ABLIM3: variants seen among roughly 807,000 people sequenced by gnomAD.
ABLIM3 encodes actin-binding LIM protein 3.
A neutral mutation model predicts 109.5 loss-of-function variants in ABLIM3; 61 were observed. The observed-to-expected ratio is 0.56, with a 90% CI of 0.45 to 0.69. The LOEUF (loss-of-function observed/expected upper bound fraction) is 0.69, where lower values mean the gene tolerates loss of function less well. Among genes scored for constraint, ABLIM3 ranks in the 30% least tolerant of loss-of-function variants. The pLI, the probability that ABLIM3 is intolerant of heterozygous loss-of-function variation, is 0.00. For missense variants in ABLIM3, 796 were observed against 889.5 expected (o/e 0.89, Z 1.34); for synonymous variants, 300 against 324.8 (o/e 0.92, Z 0.82).
chr5:149,204,078 G>A (rs553251705), intron 5 of ABLIM3, among the ~76,000 whole-genome samples: 26 of 152,272 alleles, frequency 1.7e-4, no homozygotes, highest in African/African-American at 6.0e-4. Context: ...CCTAAAACAA[G>A]GTACGGAGCT....
At chr5:149,203,461 G>A (rs889204801) in intron 5 of ABLIM3, among the ~76,000 whole-genome samples, 6 of 150,466 alleles carry the variant, frequency 4.0e-5, no homozygotes, top group Admixed American at 1.3e-4. Context: ...CTCCACCATC[G>A]TCACCATCAT....
chr5:149,163,877 C>T (rs911304956), intron 2 of ABLIM3: 1 of 152,212 alleles, frequency 6.6e-6, no homozygotes, highest in African/African-American at 2.4e-5. Context: ...GGTGTCTCTG[C>T]TTCCTTTGTT....
At chr5:149,242,389 C>T (rs770355563) in intron 14 of ABLIM3, 102 bp from the exon 15 acceptor site, 1 of 1,217,410 alleles carries the variant, frequency 8.2e-7, no homozygotes, top group Non-Finnish European at 1.2e-6. Context: ...TTGCCCATCT[C>T]TCTCTTCTGA....
rs1157285367 is a variant in ABLIM3, at chr5:149,142,058, T to A, written c.-38T>A. On this transcript the variant is annotated 5_prime_UTR_variant, in exon 2 of 24. Coordinates refer to ENST00000309868, the MANE Select transcript of ABLIM3 (RefSeq NM_014945.5). ...GAAGATTTAAAAAGCAGCCGGGGCC[T>A]CCGTATTGAATGAAAGACCCAGTGC... The A allele has an allele frequency of 1.2e-6, 2 of 1,613,376 alleles. No individual in the cohort carries two copies. The highest frequency in any genetic ancestry group is 1.7e-6 in the Non-Finnish European group (2 of 1,179,936).
intron 2 of ABLIM3, among the ~76,000 whole-genome samples, chr5:149,159,077 A>G (rs577419008): frequency 6.6e-6 from 1 of 152,372 alleles, no homozygotes; most frequent in South Asian, 2.1e-4. Flanking sequence ...TTATGCAAGA[A>G]TGTTGCTGTC....
intron 2 of ABLIM3, among the ~76,000 whole-genome samples, chr5:149,179,699 G>T (rs541978321): frequency 6.6e-6 from 1 of 151,546 alleles, no homozygotes; most frequent in Non-Finnish European, 1.5e-5. Context: ...TGTTGTTGTT[G>T]TTGTTGTTTT....
chr5:149,245,424 G>A (rs1232034329), intron 16 of ABLIM3, among the ~76,000 whole-genome samples: 1 of 152,208 alleles, frequency 6.6e-6, no homozygotes, highest in Admixed American at 6.5e-5. Flanking sequence ...CAAAGACCCA[G>A]GATGTGAGAG....
At chr5:149,252,867 T>C (rs1288471249) in intron 23 of ABLIM3, 30 bp downstream of exon 23, 2 of 1,579,136 alleles carry the variant, frequency 1.3e-6, no homozygotes, top group Non-Finnish European at 1.7e-6. Flanking sequence ...CAGGAGCTCT[T>C]GGGTTGGAAG....
At chr5:149,158,459 A>G (rs756028081) in intron 2 of ABLIM3, among the ~76,000 whole-genome samples, 5 of 152,256 alleles carry the variant, frequency 3.3e-5, no homozygotes, top group Non-Finnish European at 7.3e-5. Context: ...GAATCCTCAA[A>G]TGATCTAAAT....
intron 15 of ABLIM3, chr5:149,244,648 T>A: frequency 1.8e-6 from 1 of 551,238 alleles, no homozygotes; most frequent in Non-Finnish European, 3.3e-6. Flanking sequence ...TGCTATGTGG[T>A]CTTAAGCAAG....
At chr5:149,206,399 C>G (rs558803416) in intron 5 of ABLIM3, among the ~76,000 whole-genome samples, 1 of 152,110 alleles carries the variant, frequency 6.6e-6, no homozygotes, top group Non-Finnish European at 1.5e-5. Context: ...ACCATCAGGC[C>G]CATTCATTCA....
chr5:149,207,221 A>G, intron 6 of ABLIM3, 87 bp downstream of exon 6: 2 of 1,518,768 alleles, frequency 1.3e-6, no homozygotes, highest in South Asian at 1.3e-5. Context: ...CATCTCCAGC[A>G]TCATCTCCCT....
chr5:149,179,614 T>G (rs188594716), intron 2 of ABLIM3, among the ~76,000 whole-genome samples: 1 of 152,108 alleles, frequency 6.6e-6, no homozygotes, highest in Admixed American at 6.5e-5. Context: ...GTACATTTTT[T>G]TTTTTATTTC....
At chr5:149,201,028 T>C (rs1022958267) in intron 5 of ABLIM3, among the ~76,000 whole-genome samples, 1 of 152,188 alleles carries the variant, frequency 6.6e-6, no homozygotes, top group Non-Finnish European at 1.5e-5. Flanking sequence ...TCAGAACCAC[T>C]GTCTAGGGAT....
intron 5 of ABLIM3, among the ~76,000 whole-genome samples, chr5:149,204,800 C>T (rs1015689372): frequency 1.3e-5 from 2 of 152,202 alleles, no homozygotes; most frequent in African/African-American, 4.8e-5. Flanking sequence ...CTGGGATTCT[C>T]TCCTGGGCCA....
At chr5:149,174,612 ACCGCAGG>A (rs1755757109) in intron 2 of ABLIM3, 1 of 152,232 alleles carries the variant, frequency 6.6e-6, no homozygotes, top group African/African-American at 2.4e-5. Context: ...TGGAAAGGGC[ACCGCAGG>A]CCTCCAGTGC....
intron 2 of ABLIM3, chr5:149,174,444 G>T (rs1755744171): frequency 1.3e-5 from 2 of 152,314 alleles, no homozygotes; most frequent in South Asian, 2.1e-4. Flanking sequence ...AGCAAATGTT[G>T]TGTACATATT....
chr5:149,246,339 G>A (rs746739777), intron 16 of ABLIM3, 143 bp from the exon 17 acceptor site: 4 of 755,338 alleles, frequency 5.3e-6, no homozygotes, highest in Non-Finnish European at 8.4e-6. Context: ...CTGATGTGGG[G>A]CTTAGCTTAA....
At chr5:149,219,527 G>T (rs1760432000) in intron 8 of ABLIM3, 1 of 152,286 alleles carries the variant, frequency 6.6e-6, no homozygotes, top group Non-Finnish European at 1.5e-5. Flanking sequence ...AGAGACTTGT[G>T]TGAGAATGGG....
Sources: gnomAD v4.1 joint callset for allele counts (sites outside exome capture counted in the v4.1 genomes callset) on GRCh38, gnomAD v4.1.1 for gene constraint, MANE v1.5 for transcripts, NCBI Gene and HGNC (gene_info 2026-07-23, HGNC 2026-07-21) for gene names.